AKT3: variants seen among roughly 807,000 people sequenced by gnomAD.
AKT3 encodes the protein AKT serine/threonine kinase 3.
Under a neutral mutation model 65.3 loss-of-function variants are expected in AKT3, and 15 were observed. The ratio of observed to expected loss-of-function variants is 0.23; its 90% CI spans 0.15 to 0.35. AKT3 has a LOEUF of 0.35. Ranked by LOEUF, AKT3 falls within the 10% of genes least tolerant of loss-of-function variation. The pLI, the probability that AKT3 is intolerant of heterozygous loss-of-function variation, is 1.00. For synonymous variants in AKT3, 206 were observed against 183.8 expected, an observed-to-expected ratio of 1.12 and a Z score of -0.98; for missense variants, 243 against 576.5, an observed-to-expected ratio of 0.42 and a Z score of 5.92.
chr1:243,541,897 C>T lies in AKT3; in HGVS notation c.1251+3613G>A, dbSNP rs535728934. 4.6e-5 allele frequency among the ~76,000 whole-genome samples: 7 copies of T among 152,230 alleles called. No homozygotes were observed. In the South Asian group the frequency reaches 1.5e-3, roughly 32 times the overall value. ...AACCAACTGTATTTCTATATACTGG[C>T]AGTAAAACAAAGTGAAAATGAAATT... On this transcript the variant is annotated intron_variant, in intron 12 of 13. Coordinates refer to ENST00000673466, the MANE Select transcript of AKT3 (RefSeq NM_005465.7).
chr1:243,630,586 T>C (rs1302464941), intron 6 of AKT3, among the ~76,000 whole-genome samples: 1 of 152,192 alleles, frequency 6.6e-6, no homozygotes, highest in African/African-American at 2.4e-5. Flanking sequence ...TCTAGGCCCA[T>C]GGTGGCTCCA....
At chr1:243,647,699 CAA>C in intron 4 of AKT3, among the ~76,000 whole-genome samples, 1 of 152,270 alleles carries the variant, frequency 6.6e-6, no homozygotes, top group East Asian at 1.9e-4. Context: ...GGTATGCAAA[CAA>C]GAGCAGCTTT....
At chr1:243,803,892 A>C (rs1303864027) in intron 2 of AKT3, among the ~76,000 whole-genome samples, 1 of 152,188 alleles carries the variant, frequency 6.6e-6, no homozygotes, top group Non-Finnish European at 1.5e-5. Context: ...TCACCTCTGA[A>C]ATTTACCATA....
intron 3 of AKT3, among the ~76,000 whole-genome samples, chr1:243,693,256 A>ATG (rs1318351367): frequency 1.4e-4 from 9 of 66,024 alleles, no homozygotes; most frequent in African/African-American, 6.2e-4. Context: ...ATATATATAT[A>ATG]TATATATATA....
chr1:243,628,199 G>T (rs1004586702), intron 6 of AKT3, among the ~76,000 whole-genome samples: 2 of 152,188 alleles, frequency 1.3e-5, no homozygotes, highest in African/African-American at 4.8e-5. Context: ...CTTGGGTAAT[G>T]TCAGAGAAAC....
chr1:243,752,083 C>T (rs1310442354), intron 2 of AKT3, among the ~76,000 whole-genome samples: 3 of 152,046 alleles, frequency 2.0e-5, no homozygotes, highest in South Asian at 2.1e-4. Flanking sequence ...GCAGGTTGGG[C>T]GACCTCTGTT....
chr1:243,591,665 G>A (rs1676236923), intron 8 of AKT3, among the ~76,000 whole-genome samples: 1 of 151,834 alleles, frequency 6.6e-6, no homozygotes, highest in African/African-American at 2.4e-5. Context: ...AAAAATAGCT[G>A]TTGAAAATAT....
chr1:243,775,513 C>T (rs563611497), intron 2 of AKT3, among the ~76,000 whole-genome samples: 7 of 152,108 alleles, frequency 4.6e-5, no homozygotes, highest in East Asian at 1.9e-4. Flanking sequence ...ACTCACCCAC[C>T]GGCCATCTTA....
At chr1:243,813,923 A>T (rs1254923530) in intron 2 of AKT3, among the ~76,000 whole-genome samples, 1 of 151,864 alleles carries the variant, frequency 6.6e-6, no homozygotes, top group Non-Finnish European at 1.5e-5. Flanking sequence ...TGGACAATCT[A>T]GTGAGACCCC....
rs1683394238 is a variant in AKT3 at position 243,674,875 on chromosome 1, T to C, written c.173-9992A>G. Among the ~76,000 whole-genome samples, 2 of 152,226 alleles carry C rather than the reference T, an allele frequency of 1.3e-5. 1 individual carries two copies. Among genetic ancestry groups the C allele is most frequent in the South Asian group, 4.1e-4 (2 of 4,830 alleles). On this transcript the variant is annotated intron_variant, in intron 3 of 13. Transcript: ENST00000673466. Reference sequence around the variant, plus strand: ...GAAGTAGATGTGCAGGTTTGTTACATGGGTGTATTGTATAAAGCTGAGATA... The same window carrying C: ...GAAGTAGATGTGCAGGTTTGTTACACGGGTGTATTGTATAAAGCTGAGATA...
At chr1:243,543,379 T>G (rs566873216) in intron 12 of AKT3, among the ~76,000 whole-genome samples, 1 of 152,306 alleles carries the variant, frequency 6.6e-6, no homozygotes, top group Non-Finnish European at 1.5e-5. Context: ...AAGGTCCATA[T>G]TTTGGCCCTT....
chr1:243,833,928 T>C (rs1464358416), intron 2 of AKT3, among the ~76,000 whole-genome samples: 1 of 151,772 alleles, frequency 6.6e-6, no homozygotes, highest in Non-Finnish European at 1.5e-5. Context: ...GCCGGCCACA[T>C]ATACGATTTT....
intron 13 of AKT3, chr1:243,489,068 C>A: frequency 6.2e-7 from 1 of 1,613,406 alleles, no homozygotes; most frequent in Non-Finnish European, 8.5e-7. Context: ...TGGTGCAGCT[C>A]CTCAGCAAGC....
chr1:243,545,249 A>G (rs538145725), intron 12 of AKT3, among the ~76,000 whole-genome samples: 1 of 152,360 alleles, frequency 6.6e-6, no homozygotes, highest in South Asian at 2.1e-4. Flanking sequence ...AATTAAAGAA[A>G]TAATGAGAGG....
chr1:243,586,087 C>T (rs952946724), intron 8 of AKT3, among the ~76,000 whole-genome samples: 1 of 152,102 alleles, frequency 6.6e-6, no homozygotes, highest in African/African-American at 2.4e-5. Context: ...AGACATTTCT[C>T]AAAAGAAGAC....
intron 8 of AKT3, among the ~76,000 whole-genome samples, chr1:243,592,437 G>T (rs141757339): frequency 6.6e-6 from 1 of 151,972 alleles, no homozygotes; most frequent in East Asian, 1.9e-4. Context: ...TAGCTGAAAG[G>T]AAGTAATAAA....
intron 2 of AKT3, among the ~76,000 whole-genome samples, chr1:243,806,533 T>C (rs1692737059): frequency 6.6e-6 from 1 of 152,206 alleles, no homozygotes; most frequent in African/African-American, 2.4e-5. Context: ...GCCACAAATA[T>C]ACTTCCATCT....
rs75359644 is a variant in AKT3, at chr1:243,571,416, G to A, written c.819+1510C>T. Among the ~76,000 whole-genome samples the A allele has an allele frequency of 6.2e-3, 948 of 152,250 alleles. 1 individual carries two copies. The highest frequency in any genetic ancestry group is 0.01 in the Non-Finnish European group (699 of 68,014). On this transcript the variant is annotated intron_variant, in intron 9 of 13. Coordinates refer to ENST00000673466, the MANE Select transcript of AKT3 (RefSeq NM_005465.7). ...ACCATAATCAATACTGCAATCAAAT[G>A]AACATTCTTTTCTTTAGCAGTCTTT...
At chr1:243,806,081 C>T (rs1692706502) in intron 2 of AKT3, among the ~76,000 whole-genome samples, 2 of 152,128 alleles carry the variant, frequency 1.3e-5, no homozygotes, top group African/African-American at 4.8e-5. Context: ...TCCCTTCTCA[C>T]CCAAAAAAAT....
Sources: allele counts gnomAD v4.1 joint callset (sites outside exome capture counted in the v4.1 genomes callset), GRCh38; gene constraint gnomAD v4.1.1; transcripts MANE v1.5; gene names NCBI Gene and HGNC (gene_info 2026-07-23, HGNC 2026-07-21).